Variants in CHD1 observed in about 807,000 individuals in gnomAD.
CHD1 encodes the protein chromodomain helicase DNA binding protein 1.
CHD1 carries 36 observed loss-of-function variants against 224.2 expected under a neutral mutation model. That is an observed-to-expected ratio of 0.16 (90% CI 0.12 to 0.21). The LOEUF (loss-of-function observed/expected upper bound fraction) is 0.21. Ranked by LOEUF, CHD1 falls within the 10% of genes least tolerant of loss-of-function variation. The probability of loss-of-function intolerance (pLI) is 1.00; values close to 1 mark genes in which losing one functional copy is unlikely to be tolerated. For synonymous variants in CHD1, 668 were observed against 658.3 expected (o/e 1.01, Z -0.23); for missense variants, 1,378 against 1,994.8 (o/e 0.69, Z 5.89).
intron 2 of CHD1, among the ~76,000 whole-genome samples, chr5:98,911,195 A>G (rs2112585465): frequency 7.1e-6 from 1 of 141,662 alleles, no homozygotes; most frequent in East Asian, 2.0e-4. Context: ...GTCAAAAAGG[A>G]CAGAGGAAAA....
chr5:98,893,271 C>T, intron 14 of CHD1, 145 bp downstream of exon 14: 1 of 512,408 alleles, frequency 2.0e-6, no homozygotes, highest in Non-Finnish European at 3.4e-6. Flanking sequence ...ACTACCTGAC[C>T]TCATTTTCCT....
At chr5:98,922,144 C>T (rs1054633527) in intron 2 of CHD1, among the ~76,000 whole-genome samples, 1 of 151,866 alleles carries the variant, frequency 6.6e-6, no homozygotes, top group South Asian at 2.1e-4. Context: ...AGTGAGACTC[C>T]ATCTCAATTA....
At position 98,894,826 on chromosome 5, in the gene CHD1, G is replaced by GTT. The variant is rs375849435; in HGVS notation, c.1711-142_1711-141dup. On this transcript the variant is annotated intron_variant, in intron 12 of 35. Coordinates refer to ENST00000614616, the MANE Select transcript of CHD1 (RefSeq NM_001270.4). ...TTTATGTAATAAAAGAGTTTTTGTG[G>GTT]TTTTTTTTTTTTGAGACAGAGTTTT... The GTT allele has an allele frequency of 2.2e-3, 771 of 342,824 alleles. 1 individual carries two copies. Among genetic ancestry groups the GTT allele is most frequent in the East Asian group, 8.5e-3 (141 of 16,648 alleles). The allele number at this position is 342,824 out of a possible 1,614,324, so 21.2% of individuals were successfully genotyped here. A position where few individuals can be genotyped will look rare whatever the true frequency, so the allele number is the denominator to read the frequency against.
chr5:98,874,973 A>T lies in CHD1; in HGVS notation c.3440+99T>A, dbSNP rs557915671. On this transcript the variant is annotated intron_variant, in intron 25 of 35. Transcript: ENST00000614616. ...ATTTTGTAAATGCCGATTAAAAGCA[A>T]ATTTAACAAAGTAGCTAAACTGAAT... 50 of 687,490 alleles carry T rather than the reference A, an allele frequency of 7.3e-5. 1 individual carries two copies. In the South Asian group the frequency reaches 8.3e-4, roughly 11 times the overall value. 42.6% of individuals were successfully genotyped at this position (687,490 alleles called of 1,614,324 possible).
At chr5:98,860,892 T>C (rs560093912) in intron 32 of CHD1, among the ~76,000 whole-genome samples, 1 of 152,328 alleles carries the variant, frequency 6.6e-6, no homozygotes, top group South Asian at 2.1e-4. Context: ...CTAGCCTTTA[T>C]ATAAATTCAC....
At chr5:98,916,031 A>C (rs1203195603) in intron 2 of CHD1, among the ~76,000 whole-genome samples, 1 of 151,954 alleles carries the variant, frequency 6.6e-6, no homozygotes, top group South Asian at 2.1e-4. Context: ...CGTCCTAACT[A>C]AATACAAAAA....
In CHD1 at chr5:98,856,465, G is replaced by A; in HGVS notation, c.5048C>T (p.Ser1683Phe). The A allele has an allele frequency of 6.4e-7, 1 of 1,552,344 alleles. No homozygotes were observed. ...SGPRSPLDQR[S>F]PYGSRSPFEH... ...AAATGGAGATCTGGAGCCATAAGGA[G>A]ATCTCTGATCTAGTGGTGACCTAGG... Residue 1683 changes from serine (S) to phenylalanine (F), a missense_variant, in exon 36 of 36, where the codon TCT becomes TTT. Around this residue, in one of 16 missense-constraint regions of CHD1, gnomAD observed 278 missense variants for 298.5 expected, o/e 0.93. Transcript: ENST00000614616.
At chr5:98,925,285 C>T (rs1396553979) in intron 2 of CHD1, among the ~76,000 whole-genome samples, 7 of 152,102 alleles carry the variant, frequency 4.6e-5, no homozygotes, top group Non-Finnish European at 8.8e-5. Flanking sequence ...AAATTACAGA[C>T]AAAGTCTCAC....
At chr5:98,896,830 C>G (rs1580456926) in intron 11 of CHD1, among the ~76,000 whole-genome samples, 1 of 137,596 alleles carries the variant, frequency 7.3e-6, no homozygotes, top group Non-Finnish European at 1.6e-5. Context: ...CCGAGATTCA[C>G]AAAAGTAGAG....
intron 30 of CHD1, chr5:98,869,082 A>T (rs1749121154): frequency 2.2e-6 from 2 of 916,570 alleles, no homozygotes; most frequent in African/African-American, 3.6e-5. Context: ...TTTTCTTTAA[A>T]ATCTTTTTCC....
intron 35 of CHD1, 40 bp from the exon 36 acceptor site, chr5:98,856,765 A>T: frequency 8.1e-7 from 1 of 1,240,736 alleles, no homozygotes; most frequent in Non-Finnish European, 1.1e-6. Flanking sequence ...AAATCATGCA[A>T]ATTAAAATGT....
chr5:98,925,901 T>C (rs1370311605), intron 2 of CHD1, among the ~76,000 whole-genome samples: 2 of 151,506 alleles, frequency 1.3e-5, no homozygotes, highest in East Asian at 1.9e-4. Flanking sequence ...TGAGTTCAAA[T>C]AGCCACATGT....
At chr5:98,900,104 A>C (rs1751599554) in intron 7 of CHD1, among the ~76,000 whole-genome samples, 1 of 151,916 alleles carries the variant, frequency 6.6e-6, no homozygotes. Context: ...AACACGGTGA[A>C]ACCCCATCTC....
chr5:98,883,843 ATATATATATATATATATATTTTTTTTT>A, intron 18 of CHD1: 1 of 47,304 alleles, frequency 2.1e-5, no homozygotes, highest in Non-Finnish European at 3.4e-5. Context: ...ATATATATAT[ATATATATATATATATATATTTTTTTTT>A]TTTTTTTTTT....
At chr5:98,926,256 C>A (rs1753449744) in intron 2 of CHD1, 78 bp downstream of exon 2, 2 of 881,456 alleles carry the variant, frequency 2.3e-6, no homozygotes, top group Non-Finnish European at 3.5e-6. Flanking sequence ...AACTAAATAA[C>A]AACAATAACA....
intron 18 of CHD1, among the ~76,000 whole-genome samples, chr5:98,885,142 AG>A (rs1390937286): frequency 1.3e-5 from 2 of 152,166 alleles, no homozygotes; most frequent in Admixed American, 6.5e-5. Flanking sequence ...CTGTAATCCT[AG>A]CACTTTGGGA....
intron 18 of CHD1, 79 bp downstream of exon 18, chr5:98,885,499 A>T: frequency 1.1e-6 from 1 of 910,280 alleles, no homozygotes. Context: ...TATGAAGATT[A>T]AAAATGTCTG....
At position 98,928,896 on chromosome 5, in the gene CHD1, G is replaced by A. The variant is rs1753702049; in HGVS notation, c.-506C>T. 6.5e-6 allele frequency: 1 copy of A among 154,292 alleles called. No homozygotes were observed. Among genetic ancestry groups the A allele is most frequent in the Admixed American group, 6.6e-5 (1 of 15,226 alleles). The allele number at this position is 154,292 out of a possible 1,614,324, so 9.6% of individuals were successfully genotyped here. A position where few individuals can be genotyped will look rare whatever the true frequency, so the allele number is the denominator to read the frequency against. On this transcript the variant is annotated 5_prime_UTR_variant, in exon 1 of 36. Transcript: ENST00000614616. ...CCGCCATGACGCCGAGAAAGCAAGC[G>A]AGCGCAACCGTCTCCGTCGTAGCCG...
chr5:98,867,535 A>G lies in CHD1; in HGVS notation c.4248+960T>C, dbSNP rs1400367033. On this transcript the variant is annotated intron_variant, in intron 31 of 35. Transcript: ENST00000614616. ...CTGGGAAAAAAACTAGTCCTTCACC[A>G]TAAATAAGAAGCACTATTACACATG... Among the ~76,000 whole-genome samples the G allele has an allele frequency of 2.0e-5, 3 of 151,964 alleles. No homozygotes were observed. In the East Asian group the frequency reaches 5.8e-4, roughly 29 times the overall value.
Sources: allele counts gnomAD v4.1 joint callset (sites outside exome capture counted in the v4.1 genomes callset), GRCh38; gene constraint gnomAD v4.1.1; regional missense constraint gnomAD v4.1.1; transcripts MANE v1.5; gene names NCBI Gene and HGNC (gene_info 2026-07-23, HGNC 2026-07-21).